The following ASTN1 variants were observed in gnomAD, a reference collection of about 807,000 sequenced individuals.
The protein encoded by ASTN1 is astrotactin 1, also known as astrotactin-1.
In ASTN1, 41 loss-of-function variants were observed where a neutral mutation model predicts 140.7. That is an observed-to-expected ratio of 0.29 (90% CI 0.23 to 0.38). The LOEUF is 0.38. Among genes scored for constraint, ASTN1 ranks in the 10% least tolerant of loss-of-function variants. The probability of loss-of-function intolerance (pLI) is 1.00; values close to 1 mark genes in which losing one functional copy is unlikely to be tolerated. For missense variants in ASTN1, 1,479 were observed against 1,678.8 expected, an observed-to-expected ratio of 0.88 and a Z score of 2.08; for synonymous variants, 640 against 652.2, an observed-to-expected ratio of 0.98 and a Z score of 0.29.
intron 8 of ASTN1, among the ~76,000 whole-genome samples, chr1:176,970,039 T>A (rs989079254): frequency 6.6e-5 from 10 of 152,186 alleles, no homozygotes; most frequent in African/African-American, 2.2e-4. Context: ...CTAGTGGTAA[T>A]CTTTTATTTG....
intron 16 of ASTN1, among the ~76,000 whole-genome samples, chr1:176,896,619 C>T (rs1002767993): frequency 1.3e-5 from 2 of 152,100 alleles, no homozygotes; most frequent in Admixed American, 6.6e-5. Context: ...GGCAAACAGC[C>T]CTTCATTAAT....
intron 14 of ASTN1, among the ~76,000 whole-genome samples, chr1:176,937,929 C>G (rs1157504912): frequency 6.6e-6 from 1 of 152,076 alleles, no homozygotes; most frequent in Non-Finnish European, 1.5e-5. Flanking sequence ...CTTGTCAACC[C>G]TGATCAAATT....
At chr1:177,144,061 A>G (rs746001294) in intron 1 of ASTN1, among the ~76,000 whole-genome samples, 2 of 152,092 alleles carry the variant, frequency 1.3e-5, no homozygotes, top group African/African-American at 2.4e-5. Context: ...GTTAGCTAGA[A>G]CTTTATCAAA....
intron 20 of ASTN1, among the ~76,000 whole-genome samples, chr1:176,877,006 A>G (rs1406105977): frequency 1.3e-5 from 2 of 152,174 alleles, no homozygotes; most frequent in African/African-American, 4.8e-5. Flanking sequence ...AGGGATGGGA[A>G]CCAGACCTCT....
At chr1:177,032,387 G>C (rs1268096104) in intron 3 of ASTN1, 69 bp downstream of exon 3, 2 of 1,560,000 alleles carry the variant, frequency 1.3e-6, no homozygotes, top group Non-Finnish European at 1.7e-6. Flanking sequence ...TCACACAGCT[G>C]TTCCTACCCA....
intron 16 of ASTN1, among the ~76,000 whole-genome samples, chr1:176,904,640 T>A (rs1014125022): frequency 6.6e-6 from 1 of 152,168 alleles, no homozygotes; most frequent in East Asian, 1.9e-4. Context: ...TAAGGCTTCC[T>A]CCGCGCCCCC....
chr1:176,932,542 G>A (rs921691339), intron 16 of ASTN1, among the ~76,000 whole-genome samples: 3 of 152,182 alleles, frequency 2.0e-5, no homozygotes, highest in South Asian at 2.1e-4. Context: ...AGAGATTGAC[G>A]TAGACCTACT....
rs778898495 is a variant in ASTN1, at chr1:177,023,583, G to A, written c.1271-12C>T. ...GATGAAGCGGCTCCCTGCAGGGTGA[G>A]AGAAAGGAAGCATGCCTATATGTGC... On this transcript the variant is annotated splice_polypyrimidine_tract_variant and intron_variant, in intron 6 of 22. Transcript: ENST00000361833. 1.3e-6 allele frequency: 2 copies of A among 1,566,236 alleles called. No homozygotes were observed. Among genetic ancestry groups the A allele is most frequent in the South Asian group, 2.4e-5 (2 of 83,640 alleles).
intron 1 of ASTN1, among the ~76,000 whole-genome samples, chr1:177,149,293 GTA>G (rs1491188993): frequency 5.1e-4 from 38 of 74,188 alleles, no homozygotes; most frequent in African/African-American, 1.6e-3. Flanking sequence ...TATATATATA[GTA>G]TATATATAGT....
At chr1:177,072,552 T>C (rs946934094) in intron 1 of ASTN1, among the ~76,000 whole-genome samples, 4 of 152,154 alleles carry the variant, frequency 2.6e-5, no homozygotes. Flanking sequence ...TTAAAAGAAA[T>C]ACAAGGTCAC....
intron 8 of ASTN1, among the ~76,000 whole-genome samples, chr1:176,988,212 G>A (rs1673993429): frequency 6.6e-6 from 1 of 151,586 alleles, no homozygotes; most frequent in Non-Finnish European, 1.5e-5. Flanking sequence ...AGAGATCTGG[G>A]AGATGGGGAG....
chr1:176,861,976 A>G lies in ASTN1; in HGVS notation c.*2308T>C. 2 of 985,604 alleles carry G rather than the reference A, an allele frequency of 2.0e-6. No individual in the cohort carries two copies. The highest frequency in any genetic ancestry group is 2.4e-6 in the Non-Finnish European group (2 of 830,072). The allele number at this position is 985,604 out of a possible 1,614,324, so 61.1% of individuals were successfully genotyped here. A position where few individuals can be genotyped will look rare whatever the true frequency, so the allele number is the denominator to read the frequency against. On this transcript the variant is annotated 3_prime_UTR_variant, in exon 23 of 23. Transcript: ENST00000361833. ...ACTCCCACATCATCCACTTCTGGGC[A>G]GGAAGGCATCGGCAGCCTCACCCTC...
intron 17 of ASTN1, among the ~76,000 whole-genome samples, chr1:176,893,325 T>C (rs1477645836): frequency 6.6e-6 from 1 of 152,116 alleles, no homozygotes; most frequent in Non-Finnish European, 1.5e-5. Context: ...TTAAAGACAC[T>C]GCAGCTCTGG....
chr1:176,884,540 C>A, intron 18 of ASTN1, 50 bp from the exon 19 acceptor site: 1 of 1,558,606 alleles, frequency 6.4e-7, no homozygotes, highest in South Asian at 1.2e-5. Context: ...CTGTGACTCA[C>A]TTTGGGCACT....
intron 1 of ASTN1, among the ~76,000 whole-genome samples, chr1:177,073,656 G>T (rs1490142789): frequency 1.3e-5 from 2 of 149,492 alleles, no homozygotes; most frequent in African/African-American, 5.0e-5. Context: ...ACTTTTCTGT[G>T]CATGTTCGCT....
At chr1:177,082,083 T>C (rs148445343) in intron 1 of ASTN1, among the ~76,000 whole-genome samples, 1,728 of 152,254 alleles carry the variant, frequency 0.011, 17 homozygotes, top group Middle Eastern at 0.041. Flanking sequence ...GACATCCACA[T>C]TGGATTGTCA....
chr1:177,050,586 G>A (rs114095179), intron 2 of ASTN1, among the ~76,000 whole-genome samples: 2,600 of 152,232 alleles, frequency 0.017, 73 homozygotes, highest in African/African-American at 0.059. Context: ...TTATTATAGA[G>A]AGAGACCCCT....
intron 1 of ASTN1, among the ~76,000 whole-genome samples, chr1:177,065,218 T>G (rs1163187956): frequency 6.6e-6 from 1 of 152,152 alleles, no homozygotes; most frequent in African/African-American, 2.4e-5. Context: ...AATGGCATCA[T>G]CACGCTGTGG....
intron 14 of ASTN1, among the ~76,000 whole-genome samples, chr1:176,943,057 G>A (rs997786533): frequency 6.6e-6 from 1 of 151,356 alleles, no homozygotes; most frequent in African/African-American, 2.4e-5. Flanking sequence ...GAATAAGGAA[G>A]ACAGAATGAA....
Sources: allele counts gnomAD v4.1 joint callset (sites outside exome capture counted in the v4.1 genomes callset), GRCh38; gene constraint gnomAD v4.1.1; transcripts MANE v1.5; gene names NCBI Gene and HGNC (gene_info 2026-07-23, HGNC 2026-07-21).